Variants in FAT3 observed in about 807,000 individuals in gnomAD.
FAT3 encodes protocadherin Fat 3.
In FAT3, 95 loss-of-function variants were observed where a neutral mutation model predicts 310.2. The ratio of observed to expected loss-of-function variants is 0.31; its 90% CI spans 0.26 to 0.36. The LOEUF (loss-of-function observed/expected upper bound fraction) is 0.36, where lower values mean the gene tolerates loss of function less well. Ranked by LOEUF, FAT3 falls within the 10% of genes least tolerant of loss-of-function variation. The probability of loss-of-function intolerance (pLI) is 1.00; values close to 1 mark genes in which losing one functional copy is unlikely to be tolerated. For missense variants in FAT3, 5,408 were observed against 5,715.6 expected, an observed-to-expected ratio of 0.95 and a Z score of 1.74; for synonymous variants, 2,314 against 2,192.9, an observed-to-expected ratio of 1.06 and a Z score of -1.54.
chr11:92,812,689 T>C (rs1000670417), intron 13 of FAT3, among the ~76,000 whole-genome samples: 1 of 152,128 alleles, frequency 6.6e-6, no homozygotes, highest in Non-Finnish European at 1.5e-5. Flanking sequence ...CAGCATTTTA[T>C]AAAAACAACA....
At chr11:92,272,058 C>G (rs1362854372) in intron 1 of FAT3, among the ~76,000 whole-genome samples, 7 of 152,098 alleles carry the variant, frequency 4.6e-5, no homozygotes, top group African/African-American at 1.4e-4. Context: ...TCCTCCATCT[C>G]CCTTCTCTGG....
In FAT3 at chr11:92,806,379, A is replaced by G; in HGVS notation, c.9111A>G (p.Leu3037=). 1.9e-6 allele frequency: 3 copies of G among 1,600,176 alleles called. No individual in the cohort carries two copies. The highest frequency in any genetic ancestry group is 2.6e-6 in the Non-Finnish European group (3 of 1,172,570). The change falls in exon 12 of 28, where the codon TTA becomes TTG. Residue 3037 remains leucine, a synonymous_variant. Transcript: ENST00000525166. ...PVCDQVAYTA[L]LPEDIPSNKI... ...TTGTCCAGGTTGCATATACAGCATT[A>G]CTTCCTGAAGACATTCCATCAAATA...
In FAT3 at chr11:92,823,219, G is replaced by A. The variant is rs118146015; in HGVS notation, c.9482-8403G>A. ...ACTTAGTGGCCCATATAGAAAACCC[G>A]TTGCATGATCGTTGGGTAGCTATCC... On this transcript the variant is annotated intron_variant, in intron 13 of 27. Coordinates refer to ENST00000525166, the MANE Select transcript of FAT3 (RefSeq NM_001367949.2). Among the ~76,000 whole-genome samples the A allele has an allele frequency of 2.5e-3, 385 of 152,266 alleles. 3 individuals are homozygous for A. Among genetic ancestry groups the A allele is most frequent in the Non-Finnish European group, 4.5e-3 (306 of 68,014 alleles).
intron 3 of FAT3, among the ~76,000 whole-genome samples, chr11:92,572,567 C>G (rs1405436448): frequency 6.6e-6 from 1 of 152,088 alleles, no homozygotes; most frequent in Admixed American, 6.6e-5. Flanking sequence ...AATGGAAGAT[C>G]GCATGTAGCA....
intron 3 of FAT3, among the ~76,000 whole-genome samples, chr11:92,615,516 G>T (rs1309518094): frequency 6.6e-6 from 1 of 152,094 alleles, no homozygotes; most frequent in Non-Finnish European, 1.5e-5. Flanking sequence ...CGAAGTGCTG[G>T]GATTACAGGC....
chr11:92,501,463 T>C (rs115173431), intron 2 of FAT3, among the ~76,000 whole-genome samples: 1,613 of 152,160 alleles, frequency 0.011, 30 homozygotes, highest in African/African-American at 0.037. Flanking sequence ...AAAGCCCTAA[T>C]AGGCTGTCTA....
At chr11:92,540,304 G>A (rs1269794753) in intron 3 of FAT3, among the ~76,000 whole-genome samples, 1 of 152,138 alleles carries the variant, frequency 6.6e-6, no homozygotes, top group East Asian at 1.9e-4. Context: ...TAGAGTGAAA[G>A]TACCTCCACG....
chr11:92,780,653 G>A (rs1211403384), intron 7 of FAT3, among the ~76,000 whole-genome samples: 1 of 152,078 alleles, frequency 6.6e-6, no homozygotes, highest in Non-Finnish European at 1.5e-5. Context: ...TGAAAATTTT[G>A]ATATCTGTTC....
At chr11:92,583,462 A>T (rs2135538708) in intron 3 of FAT3, among the ~76,000 whole-genome samples, 1 of 152,122 alleles carries the variant, frequency 6.6e-6, no homozygotes, top group South Asian at 2.1e-4. Flanking sequence ...CTCAGATATA[A>T]GCAACCTAAG....
At chr11:92,459,227 T>A (rs1269484473) in intron 2 of FAT3, among the ~76,000 whole-genome samples, 1 of 152,166 alleles carries the variant, frequency 6.6e-6, no homozygotes, top group Admixed American at 6.5e-5. Context: ...TTCAGTGTGC[T>A]GTGAGAGAGC....
chr11:92,750,257 G>C (rs1019994171), intron 4 of FAT3, among the ~76,000 whole-genome samples: 1 of 152,166 alleles, frequency 6.6e-6, no homozygotes, highest in Non-Finnish European at 1.5e-5. Context: ...CCTTAGAAGA[G>C]TATCAAGTGC....
rs563325200 is a variant in FAT3, at chr11:92,428,925, G to C, written c.3292+73521G>C. Reference sequence around the variant, plus strand: ...CGGTCGAGAGCTGAGTTCAAGTCCTGAATATCCTTGTTAATTTTCTGTCTT... The same window carrying C: ...CGGTCGAGAGCTGAGTTCAAGTCCTCAATATCCTTGTTAATTTTCTGTCTT... On this transcript the variant is annotated intron_variant, in intron 2 of 27. Coordinates refer to ENST00000525166, the MANE Select transcript of FAT3 (RefSeq NM_001367949.2). Among the ~76,000 whole-genome samples, 6 of 152,272 alleles carry C rather than the reference G, an allele frequency of 3.9e-5. No individual in the cohort carries two copies. The South Asian group carries it at 1.2e-3, about 32-fold the overall frequency.
intron 1 of FAT3, among the ~76,000 whole-genome samples, chr11:92,316,897 G>C (rs867335486): frequency 6.6e-6 from 1 of 152,118 alleles, no homozygotes; most frequent in Non-Finnish European, 1.5e-5. Context: ...GCCTTTTTGG[G>C]AAAACGGAGA....
chr11:92,439,870 C>A (rs966426238), intron 2 of FAT3, among the ~76,000 whole-genome samples: 2 of 151,548 alleles, frequency 1.3e-5, no homozygotes, highest in Admixed American at 1.3e-4. Flanking sequence ...GAGCGTTGAT[C>A]GCACCACTGC....
chr11:92,435,587 A>G (rs1442851776), intron 2 of FAT3, among the ~76,000 whole-genome samples: 2 of 128,562 alleles, frequency 1.6e-5, no homozygotes, highest in Non-Finnish European at 3.2e-5. Flanking sequence ...TTTTTTTGAA[A>G]CAGTGTCTTG....
chr11:92,454,871 T>C (rs1230871759), intron 2 of FAT3, among the ~76,000 whole-genome samples: 1 of 152,168 alleles, frequency 6.6e-6, no homozygotes, highest in East Asian at 1.9e-4. Context: ...CCCTATTTAA[T>C]AGGCATCATC....
intron 2 of FAT3, among the ~76,000 whole-genome samples, chr11:92,486,268 A>G (rs1322232286): frequency 6.7e-6 from 1 of 149,688 alleles, no homozygotes; most frequent in Non-Finnish European, 1.5e-5. Context: ...TTGACTGTGT[A>G]TTAACACTCT....
In FAT3 at chr11:92,235,278, C is replaced by T. The variant is rs78413567; in HGVS notation, c.-18+10104C>T. On this transcript the variant is annotated intron_variant, in intron 1 of 27. Coordinates refer to ENST00000525166, the MANE Select transcript of FAT3 (RefSeq NM_001367949.2). ...GGTACTTCTTGGCCCCTTTATCTCT[C>T]CCAACCCTCTCTAGTTCCTGTAGTC... Among the ~76,000 whole-genome samples the T allele has an allele frequency of 2.2e-3, 332 of 152,268 alleles. 5 individuals are homozygous for T. In the East Asian group the frequency reaches 0.032, roughly 15 times the overall value.
At chr11:92,345,801 A>G (rs1948400607) in intron 1 of FAT3, among the ~76,000 whole-genome samples, 3 of 152,126 alleles carry the variant, frequency 2.0e-5, no homozygotes, top group South Asian at 2.1e-4. Context: ...TAGCTTTCTA[A>G]TAGGCAAGCT....
Sources: allele counts gnomAD v4.1 joint callset (sites outside exome capture counted in the v4.1 genomes callset), GRCh38; gene constraint gnomAD v4.1.1; transcripts MANE v1.5; gene names NCBI Gene and HGNC (gene_info 2026-07-23, HGNC 2026-07-21).